KIF1B: variants seen among roughly 807,000 people sequenced by gnomAD.
KIF1B encodes kinesin family member 1B.
KIF1B carries 76 observed loss-of-function variants against 241.9 expected under a neutral mutation model. The observed-to-expected ratio is 0.31, with a 90% CI of 0.26 to 0.38. The LOEUF (loss-of-function observed/expected upper bound fraction) is 0.38. KIF1B is among the 10% of genes least tolerant of loss of function. The pLI, the probability that KIF1B is intolerant of heterozygous loss-of-function variation, is 1.00. For synonymous variants in KIF1B, 750 were observed against 796.7 expected (o/e 0.94, Z 0.99); for missense variants, 1,622 against 2,271.4 (o/e 0.71, Z 5.81).
intron 5 of KIF1B, among the ~76,000 whole-genome samples, chr1:10,262,627 T>G (rs1431789065): frequency 6.6e-6 from 1 of 152,180 alleles, no homozygotes; most frequent in Non-Finnish European, 1.5e-5. Context: ...TTGCCAACAT[T>G]TTTCTATTTT....
chr1:10,342,540 G>A (rs1193169673), intron 33 of KIF1B, among the ~76,000 whole-genome samples: 1 of 152,106 alleles, frequency 6.6e-6, no homozygotes, highest in African/African-American at 2.4e-5. Context: ...AGCAACAGTG[G>A]GCCTTTCTGA....
At chr1:10,288,670 T>C (rs1649832363) in intron 15 of KIF1B, among the ~76,000 whole-genome samples, 1 of 151,660 alleles carries the variant, frequency 6.6e-6, no homozygotes, top group Non-Finnish European at 1.5e-5. Flanking sequence ...TTTTGCTCTT[T>C]GCCTACCTTT....
chr1:10,381,507 C>T lies in KIF1B; in HGVS notation c.*4920C>T. ...CTTTTGCTGTATAGCCTTAGATGTG[C>T]AATGCAGACACTATCTAACTGTGTG... On this transcript the variant is annotated 3_prime_UTR_variant, in exon 49 of 49. Coordinates refer to ENST00000676179, the MANE Select transcript of KIF1B (RefSeq NM_001365951.3). The T allele has an allele frequency of 4.9e-6, 1 of 202,594 alleles. No homozygotes were observed. The highest frequency in any genetic ancestry group is 1.0e-5 in the Non-Finnish European group (1 of 98,306). The allele number at this position is 202,594 out of a possible 1,614,324, so 12.5% of individuals were successfully genotyped here. A position where few individuals can be genotyped will look rare whatever the true frequency, so the allele number is the denominator to read the frequency against.
intron 1 of KIF1B, among the ~76,000 whole-genome samples, chr1:10,221,346 C>T (rs565136320): frequency 6.6e-6 from 1 of 152,276 alleles, no homozygotes; most frequent in Admixed American, 6.5e-5. Flanking sequence ...GATCTGTCCG[C>T]TTCGGCCTCC....
Position 10,379,470 on chromosome 1 carries a change from G to A in KIF1B, c.*2883G>A. 1 of 231,722 alleles carries A rather than the reference G, an allele frequency of 4.3e-6. No individual in the cohort carries two copies. Among genetic ancestry groups the A allele is most frequent in the Non-Finnish European group, 8.6e-6 (1 of 116,886 alleles). The allele number at this position is 231,722 out of a possible 1,614,324, so 14.4% of individuals were successfully genotyped here. On this transcript the variant is annotated 3_prime_UTR_variant, in exon 49 of 49. Transcript: ENST00000676179. ...GGTCCCCAGCACGTCCAGGGTGGGT[G>A]CTCCCTTGCCCGACAGAACCATCCC...
chr1:10,226,852 C>A (rs1646914704), intron 1 of KIF1B, among the ~76,000 whole-genome samples: 1 of 151,848 alleles, frequency 6.6e-6, no homozygotes, highest in African/African-American at 2.4e-5. Flanking sequence ...CCTGTAATCC[C>A]AGCTACTTGG....
intron 1 of KIF1B, among the ~76,000 whole-genome samples, chr1:10,218,488 T>C (rs886291582): frequency 6.6e-6 from 1 of 152,062 alleles, no homozygotes; most frequent in African/African-American, 2.4e-5. Context: ...TGGTGTGACC[T>C]TGGCTCACTG....
intron 14 of KIF1B, among the ~76,000 whole-genome samples, chr1:10,279,581 CTA>C (rs1198964940): frequency 1.3e-5 from 2 of 150,794 alleles, no homozygotes; most frequent in Admixed American, 1.3e-4. Flanking sequence ...GCAAAACTAT[CTA>C]TGATTTAAGA....
chr1:10,239,011 C>CA (rs994692520), intron 2 of KIF1B, among the ~76,000 whole-genome samples: 8 of 151,994 alleles, frequency 5.3e-5, no homozygotes, highest in Non-Finnish European at 8.8e-5. Flanking sequence ...TGCCGTGGTG[C>CA]AATCTTGGCT....
At chr1:10,240,603 A>G (rs916342781) in intron 2 of KIF1B, among the ~76,000 whole-genome samples, 1 of 152,076 alleles carries the variant, frequency 6.6e-6, no homozygotes. Context: ...TGGCTAGAAG[A>G]TGTTATGGAA....
intron 2 of KIF1B, among the ~76,000 whole-genome samples, chr1:10,242,750 C>T (rs923031003): frequency 7.2e-5 from 11 of 151,998 alleles, no homozygotes; most frequent in Admixed American, 3.9e-4. Flanking sequence ...CTCCTGACCT[C>T]GTGATCTGCC....
At chr1:10,350,966 T>C (rs1476952965) in intron 37 of KIF1B, among the ~76,000 whole-genome samples, 1 of 151,284 alleles carries the variant, frequency 6.6e-6, no homozygotes, top group Admixed American at 6.6e-5. Context: ...CTCATGCCTA[T>C]AGTCTCAACT....
intron 25 of KIF1B, 128 bp downstream of exon 25, chr1:10,324,190 T>C: frequency 2.2e-6 from 2 of 913,040 alleles, no homozygotes; most frequent in South Asian, 1.4e-5. Context: ...TTCTAAATGC[T>C]GTTGTTGGCC....
chr1:10,378,392 G>C lies in KIF1B; in HGVS notation c.*1805G>C, dbSNP rs1353195997. On this transcript the variant is annotated 3_prime_UTR_variant, in exon 49 of 49. Coordinates refer to ENST00000676179, the MANE Select transcript of KIF1B (RefSeq NM_001365951.3). ...AGAGAAGATAAGTCTGTCTCTTTCA[G>C]CTGCCAGTAAGTTTTCCAGGATGAG... The C allele has an allele frequency of 2.0e-5, 14 of 717,740 alleles. No individual in the cohort carries two copies. Among genetic ancestry groups the C allele is most frequent in the Non-Finnish European group, 3.6e-5 (14 of 385,178 alleles). The allele number at this position is 717,740 out of a possible 1,614,324, so 44.5% of individuals were successfully genotyped here.
chr1:10,213,538 C>T (rs1260517260), intron 1 of KIF1B, among the ~76,000 whole-genome samples: 1 of 152,114 alleles, frequency 6.6e-6, no homozygotes, highest in Non-Finnish European at 1.5e-5. Context: ...ACAATGGGCC[C>T]CCTGCCTTCC....
In KIF1B at chr1:10,336,586, G is replaced by A. The variant is rs1652188923; in HGVS notation, c.3044-71G>A. On this transcript the variant is annotated intron_variant, in intron 28 of 48. Transcript: ENST00000676179. ...GCCAAAGACTTGAGTTTATAATCCA[G>A]CAAGAGCTTTTTCCCTCCCTCCCCC... is the stretch of plus-strand genomic sequence containing the variant. 5 of 1,212,964 alleles carry A rather than the reference G, an allele frequency of 4.1e-6. No individual in the cohort carries two copies. In the Admixed American group the frequency reaches 6.7e-5, roughly 16 times the overall value. The allele number at this position is 1,212,964 out of a possible 1,614,324, so 75.1% of individuals were successfully genotyped here. A position where few individuals can be genotyped will look rare whatever the true frequency, so the allele number is the denominator to read the frequency against.
Position 10,326,419 on chromosome 1 carries a change from C to A in KIF1B, c.2924+60C>A. 1 of 1,609,254 alleles carries A rather than the reference C, an allele frequency of 6.2e-7. No homozygotes were observed. The highest frequency in any genetic ancestry group is 1.1e-5 in the South Asian group (1 of 90,634). Reference sequence around the variant, plus strand: ...ACCAGCTCTTGCTCTGAAGGCCTCCCTGCTTGCACAATTTTGGATAACCTT... The same window carrying A: ...ACCAGCTCTTGCTCTGAAGGCCTCCATGCTTGCACAATTTTGGATAACCTT... On this transcript the variant is annotated intron_variant, in intron 27 of 48. Transcript: ENST00000676179. The surrounding 1 kb of genome is among the most constrained non-coding windows in gnomAD (Gnocchi z 5.2).
At position 10,368,489 on chromosome 1, in the gene KIF1B, C is replaced by G; in HGVS notation, c.4775C>G (p.Thr1592Ser). Residue 1592 changes from threonine (T) to serine (S), a missense_variant, in exon 44 of 49, where the codon ACT (threonine) becomes AGT (serine). This residue lies in a region of KIF1B where 357 missense variants were observed against 409.0 expected (regional missense o/e 0.87). Coordinates refer to ENST00000676179, the MANE Select transcript of KIF1B (RefSeq NM_001365951.3). ...TAGTGCCTGCAACTTCTCACCCACA[C>G]TTTCAACAGAGAATTCAGCCAGGTG... The part of the protein sequence containing the change: ...ATKCLQLLTH[T>S]FNREFSQVHG... 2.5e-6 allele frequency: 4 copies of G among 1,614,086 alleles called. No homozygotes were observed. The highest frequency in any genetic ancestry group is 2.5e-6 in the Non-Finnish European group (3 of 1,179,940).
intron 27 of KIF1B, among the ~76,000 whole-genome samples, chr1:10,328,094 G>A (rs1331567729): frequency 6.6e-6 from 1 of 152,154 alleles, no homozygotes; most frequent in Non-Finnish European, 1.5e-5. Context: ...GAAGGCTAAG[G>A]CAGGAGGATA....
Sources: gnomAD v4.1 joint callset for allele counts (sites outside exome capture counted in the v4.1 genomes callset) on GRCh38, gnomAD v4.1.1 for gene constraint, gnomAD v4.1.1 regional missense constraint, Gnocchi (gnomAD v3.1) non-coding constraint, MANE v1.5 for transcripts, NCBI Gene and HGNC (gene_info 2026-07-23, HGNC 2026-07-21) for gene names.